The following GALNT17 variants were observed in gnomAD, a reference collection of about 807,000 sequenced individuals.
The protein encoded by GALNT17 is polypeptide N-acetylgalactosaminyltransferase 17, also known as UDP-GalNAc:polypeptide N-acetylgalactosaminyltransferase-like 3.
In GALNT17, 29 loss-of-function variants were observed where a neutral mutation model predicts 63.7. The ratio of observed to expected loss-of-function variants is 0.46; its 90% CI spans 0.34 to 0.62. The LOEUF (loss-of-function observed/expected upper bound fraction) is 0.62. GALNT17 is among the 20% of genes least tolerant of loss of function. GALNT17 has a pLI of 0.01. For synonymous variants in GALNT17, 305 were observed against 318.3 expected, an observed-to-expected ratio of 0.96 and a Z score of 0.45; for missense variants, 603 against 799.6, an observed-to-expected ratio of 0.75 and a Z score of 2.97.
chr7:71,268,806 C>T, intron 1 of GALNT17, among the ~76,000 whole-genome samples: 1 of 152,028 alleles, frequency 6.6e-6, no homozygotes, highest in East Asian at 1.9e-4. Context: ...TTGTGCCTGT[C>T]TCCTGTCTCC....
chr7:71,412,026 T>G (rs1230061198), intron 3 of GALNT17, among the ~76,000 whole-genome samples: 2 of 152,220 alleles, frequency 1.3e-5, no homozygotes, highest in African/African-American at 4.8e-5. Flanking sequence ...CTGCAGATGA[T>G]GCTCTTGGGC....
chr7:71,270,985 C>T (rs779074789), intron 1 of GALNT17, among the ~76,000 whole-genome samples: 18 of 151,636 alleles, frequency 1.2e-4, no homozygotes, highest in South Asian at 6.2e-4. Context: ...ACTGGGAAAG[C>T]GTTTTCTAGG....
chr7:71,591,823 C>T (rs552374253), intron 6 of GALNT17, among the ~76,000 whole-genome samples: 3 of 152,010 alleles, frequency 2.0e-5, no homozygotes, highest in South Asian at 4.2e-4. Context: ...CCACCACGCC[C>T]AGCTAATTTT....
At chr7:71,484,853 C>T (rs1295820524) in intron 5 of GALNT17, among the ~76,000 whole-genome samples, 1 of 131,074 alleles carries the variant, frequency 7.6e-6, no homozygotes, top group Non-Finnish European at 1.5e-5. Flanking sequence ...GGCTGGAGTG[C>T]AATGGTGCAA....
chr7:71,635,921 A>G (rs1162677132), intron 6 of GALNT17, among the ~76,000 whole-genome samples: 1 of 152,152 alleles, frequency 6.6e-6, no homozygotes, highest in African/African-American at 2.4e-5. Context: ...TGTTTTGGCC[A>G]GCTTCTTTAC....
intron 5 of GALNT17, among the ~76,000 whole-genome samples, chr7:71,523,811 C>A (rs557061127): frequency 6.6e-6 from 1 of 150,692 alleles, no homozygotes; most frequent in Non-Finnish European, 1.5e-5. Flanking sequence ...AAATACACAT[C>A]CTCAGCCCCC....
At chr7:71,515,090 A>G (rs1788424171) in intron 5 of GALNT17, among the ~76,000 whole-genome samples, 1 of 152,200 alleles carries the variant, frequency 6.6e-6, no homozygotes, top group Non-Finnish European at 1.5e-5. Context: ...AGGCTACCCC[A>G]GCCATGTGGA....
At chr7:71,321,203 C>A (rs995307601) in intron 1 of GALNT17, among the ~76,000 whole-genome samples, 2 of 152,178 alleles carry the variant, frequency 1.3e-5, no homozygotes, top group Non-Finnish European at 2.9e-5. Flanking sequence ...CTAGATCAGC[C>A]TTTTTCCCCC....
chr7:71,155,344 G>A (rs112894644), intron 1 of GALNT17, among the ~76,000 whole-genome samples: 3 of 151,788 alleles, frequency 2.0e-5, no homozygotes, highest in South Asian at 4.2e-4. Context: ...CATGATCTCG[G>A]CTCACTGCAC....
intron 1 of GALNT17, among the ~76,000 whole-genome samples, chr7:71,298,022 ATTTTC>A (rs959209673): frequency 6.6e-5 from 10 of 152,050 alleles, no homozygotes; most frequent in African/African-American, 2.4e-4. Flanking sequence ...AGAGTTGTGT[ATTTTC>A]TTTTATTTTT....
chr7:71,476,625 A>C (rs895198231), intron 5 of GALNT17, among the ~76,000 whole-genome samples: 3 of 151,974 alleles, frequency 2.0e-5, no homozygotes, highest in Non-Finnish European at 4.4e-5. Flanking sequence ...GGGTAGGTGG[A>C]TTTTGTCATC....
chr7:71,506,247 TTTTTATTTTA>T (rs139837699), intron 5 of GALNT17, among the ~76,000 whole-genome samples: 10 of 150,826 alleles, frequency 6.6e-5, no homozygotes, highest in African/African-American at 2.2e-4. Flanking sequence ...ATAGAAGGAA[TTTTTATTTTA>T]TTTTATTTTA....
intron 1 of GALNT17, among the ~76,000 whole-genome samples, chr7:71,221,436 G>A (rs73700643): frequency 0.07 from 9,584 of 137,552 alleles, 607 homozygotes; most frequent in African/African-American, 0.18. Flanking sequence ...CTCACCTCCC[G>A]GAGCCTCCTC....
chr7:71,247,863 C>G (rs1466069501), intron 1 of GALNT17, among the ~76,000 whole-genome samples: 2 of 152,086 alleles, frequency 1.3e-5, no homozygotes, highest in African/African-American at 4.8e-5. Flanking sequence ...TAAAGGCGAG[C>G]TAGAGAAAAG....
At chr7:71,704,572 T>G (rs1791696530) in intron 9 of GALNT17, among the ~76,000 whole-genome samples, 1 of 150,778 alleles carries the variant, frequency 6.6e-6, no homozygotes, top group African/African-American at 2.4e-5. Flanking sequence ...CAGAACAGTA[T>G]TGAAAAAGAA....
At chr7:71,673,007 T>C (rs34107922) in intron 8 of GALNT17, among the ~76,000 whole-genome samples, 17,392 of 140,290 alleles carry the variant, frequency 0.12, 1,655 homozygotes, top group African/African-American at 0.27. Context: ...TGTTTTTTTT[T>C]CCCCCTATCC....
chr7:71,306,535 G>T (rs2115912503), intron 1 of GALNT17, among the ~76,000 whole-genome samples: 1 of 152,256 alleles, frequency 6.6e-6, no homozygotes, highest in East Asian at 1.9e-4. Flanking sequence ...CGTCCTCAAA[G>T]TTCATTCAAG....
chr7:71,275,897 T>G (rs527241222), intron 1 of GALNT17, among the ~76,000 whole-genome samples: 3 of 152,252 alleles, frequency 2.0e-5, no homozygotes, highest in Admixed American at 2.0e-4. Flanking sequence ...TCTTCCTGAA[T>G]AGAAGTAGAA....
intron 7 of GALNT17, among the ~76,000 whole-genome samples, chr7:71,668,010 G>T (rs1209235384): frequency 6.6e-6 from 1 of 152,052 alleles, no homozygotes; most frequent in Admixed American, 6.5e-5. Context: ...CGTTGCCCAG[G>T]CTGGTCTTGA....
Sources: gnomAD v4.1 joint callset for allele counts (sites outside exome capture counted in the v4.1 genomes callset) on GRCh38, gnomAD v4.1.1 for gene constraint, MANE v1.5 for transcripts, NCBI Gene and HGNC (gene_info 2026-07-23, HGNC 2026-07-21) for gene names.